The following RHBDD1 variants were observed in gnomAD, a reference collection of about 807,000 sequenced individuals.
RHBDD1 encodes the protein rhomboid domain containing 1, also known as rhomboid-related protein 4.
A neutral mutation model predicts 36.3 loss-of-function variants in RHBDD1; 38 were observed. The observed-to-expected ratio is 1.05, with a 90% CI of 0.81 to 1.37. RHBDD1 has a LOEUF of 1.37. Ranked by LOEUF, RHBDD1 falls within the 40% of genes most tolerant of loss-of-function variation. The pLI, the probability that RHBDD1 is intolerant of heterozygous loss-of-function variation, is 0.00. For synonymous variants in RHBDD1, 151 were observed against 136.5 expected (o/e 1.11, Z -0.74); for missense variants, 393 against 377.6 (o/e 1.04, Z -0.34).
At chr2:226,817,636 C>T in the RHBDD1 span, among the ~76,000 whole-genome samples, 4 of 152,184 alleles carry the variant, frequency 2.6e-5, no homozygotes, top group East Asian at 1.9e-4. Context: ...ATCCCAAATT[C>T]GCCCTGTTTA....
At chr2:226,834,416 T>G (rs924326643), upstream of RHBDD1, among the ~76,000 whole-genome samples, 10 of 152,244 alleles carry the variant, frequency 6.6e-5, no homozygotes, top group Non-Finnish European at 1.5e-4. Flanking sequence ...GTTGAGCTTT[T>G]GGAGGAGTAT....
At chr2:226,812,894 A>G in the RHBDD1 span, among the ~76,000 whole-genome samples, 1 of 152,240 alleles carries the variant, frequency 6.6e-6, no homozygotes. Flanking sequence ...TCACTTGCTT[A>G]GGAATTTCTA....
At chr2:226,962,789 T>A (rs892381072) in intron 8 of RHBDD1, among the ~76,000 whole-genome samples, 1 of 152,238 alleles carries the variant, frequency 6.6e-6, no homozygotes, top group Non-Finnish European at 1.5e-5. Context: ...TTAATGCCTT[T>A]TCTGAAAATA....
chr2:226,882,430 CAAAAAAAAAAAAAAA>C (rs58149634), intron 5 of RHBDD1, among the ~76,000 whole-genome samples: 1 of 57,108 alleles, frequency 1.8e-5, no homozygotes, highest in East Asian at 5.1e-4. Context: ...GACTTTGCCT[CAAAAAAAAAAAAAAA>C]AAAAAAAAAG....
chr2:226,905,982 T>C (rs1399385661), intron 5 of RHBDD1, among the ~76,000 whole-genome samples: 1 of 119,518 alleles, frequency 8.4e-6, no homozygotes, highest in African/African-American at 3.4e-5. Context: ...CCCCCCCCTT[T>C]GTGGTAACAG....
chr2:226,957,992 C>G (rs1242901470), intron 8 of RHBDD1, among the ~76,000 whole-genome samples: 5 of 152,112 alleles, frequency 3.3e-5, no homozygotes, highest in Non-Finnish European at 7.3e-5. Flanking sequence ...CTGGCAGTTC[C>G]TCAGAAGGTT....
chr2:226,995,659 C>A lies in RHBDD1; in HGVS notation c.*137C>A. On this transcript the variant is annotated 3_prime_UTR_variant, in exon 9 of 9. Transcript: ENST00000392062. Reference sequence around the variant, plus strand: ...TATTGCTCCAGATCGCTCACATCACCTGGGACAGTCCCATGGCCCCTATGA... The same window carrying A: ...TATTGCTCCAGATCGCTCACATCACATGGGACAGTCCCATGGCCCCTATGA... 1.5e-6 allele frequency: 1 copy of A among 670,426 alleles called. No individual in the cohort carries two copies. Among genetic ancestry groups the A allele is most frequent in the Non-Finnish European group, 2.7e-6 (1 of 373,664 alleles). 41.5% of individuals were successfully genotyped at this position (670,426 alleles called of 1,614,324 possible). A position where few individuals can be genotyped will look rare whatever the true frequency, so the allele number is the denominator to read the frequency against.
intron 8 of RHBDD1, among the ~76,000 whole-genome samples, chr2:226,989,833 G>A (rs1957780925): frequency 6.6e-6 from 1 of 152,182 alleles, no homozygotes; most frequent in Admixed American, 6.5e-5. Context: ...TAGGGGCTGA[G>A]TTGATCTCTA....
chr2:226,949,786 A>C (rs570816910), intron 8 of RHBDD1, among the ~76,000 whole-genome samples: 1 of 152,068 alleles, frequency 6.6e-6, no homozygotes, highest in Non-Finnish European at 1.5e-5. Flanking sequence ...CTTGGCTTGC[A>C]GATGGCCTTT....
At chr2:226,803,333 TGAGA>T in the RHBDD1 span, among the ~76,000 whole-genome samples, 28 of 147,760 alleles carry the variant, frequency 1.9e-4, no homozygotes, top group Non-Finnish European at 2.2e-4. Flanking sequence ...TGTGTGTGTG[TGAGA>T]GAGAGAGAGA....
In RHBDD1 at chr2:226,938,051, T is replaced by C. The variant is rs965041078; in HGVS notation, c.856+23700T>C. On this transcript the variant is annotated intron_variant, in intron 8 of 8. Transcript: ENST00000392062. The stretch of plus-strand genomic sequence containing the variant: ...CCACAATGGCTGAACTAATTTACAT[T>C]CCCACCAACAGTGTAAAAGCATTCC... Among the ~76,000 whole-genome samples the C allele has an allele frequency of 2.0e-5, 3 of 152,188 alleles. No homozygotes were observed. The South Asian group carries it at 6.2e-4, about 32-fold the overall frequency.
At chr2:226,906,695 G>A (rs781268461) in intron 5 of RHBDD1, 98 bp from the exon 6 acceptor site, 3 of 1,597,710 alleles carry the variant, frequency 1.9e-6, no homozygotes, top group African/African-American at 2.7e-5. Context: ...AAAGCCTGCA[G>A]ACTGTGACTA....
intron 5 of RHBDD1, among the ~76,000 whole-genome samples, chr2:226,881,580 G>A (rs1368078737): frequency 3.9e-5 from 6 of 152,226 alleles, no homozygotes; most frequent in South Asian, 2.1e-4. Context: ...TCCCAGGTCC[G>A]AGTATGTCAT....
chr2:226,843,386 A>C (rs929381067), intron 3 of RHBDD1, among the ~76,000 whole-genome samples: 1 of 152,124 alleles, frequency 6.6e-6, no homozygotes, highest in African/African-American at 2.4e-5. Flanking sequence ...TGCCCATTCA[A>C]TATGATATTG....
At chr2:226,849,638 ACAACACAGCAACGACAGAGAGT>A (rs1942591873) in intron 3 of RHBDD1, among the ~76,000 whole-genome samples, 1 of 152,270 alleles carries the variant, frequency 6.6e-6, no homozygotes, top group Admixed American at 6.5e-5. Flanking sequence ...GCCTTCTATG[ACAACACAGCAACGACAGAGAGT>A]CAAGGCAGAC....
At chr2:226,933,099 CA>C (rs1175314025) in intron 8 of RHBDD1, among the ~76,000 whole-genome samples, 1 of 152,082 alleles carries the variant, frequency 6.6e-6, no homozygotes, top group Non-Finnish European at 1.5e-5. Context: ...CATCAGATCT[CA>C]TGAGACCTCA....
At chr2:226,916,050 C>T (rs898600831) in intron 8 of RHBDD1, among the ~76,000 whole-genome samples, 1 of 152,202 alleles carries the variant, frequency 6.6e-6, no homozygotes, top group Non-Finnish European at 1.5e-5. Context: ...AGCCAGCAGG[C>T]TAGCCTGGGC....
At chr2:226,921,525 GTTGTGT>G (rs1482631917) in intron 8 of RHBDD1, among the ~76,000 whole-genome samples, 2 of 152,060 alleles carry the variant, frequency 1.3e-5, no homozygotes, top group Admixed American at 1.3e-4. Context: ...GTTTCAGAAT[GTTGTGT>G]TTGTATTATC....
At chr2:226,885,214 A>G (rs1217863711) in intron 5 of RHBDD1, among the ~76,000 whole-genome samples, 1 of 152,186 alleles carries the variant, frequency 6.6e-6, no homozygotes. Context: ...GGGAATTTAC[A>G]TAAACTTTTG....
Sources: gnomAD v4.1 joint callset for allele counts (sites outside exome capture counted in the v4.1 genomes callset) on GRCh38, gnomAD v4.1.1 for gene constraint, MANE v1.5 for transcripts, NCBI Gene and HGNC (gene_info 2026-07-23, HGNC 2026-07-21) for gene names.